CEBPZ: variants seen among roughly 807,000 people sequenced by gnomAD.
The protein encoded by CEBPZ is CCAAT/enhancer-binding protein zeta.
CEBPZ carries 78 observed loss-of-function variants against 104.5 expected under a neutral mutation model. The ratio of observed to expected loss-of-function variants is 0.75; its 90% CI spans 0.62 to 0.90. CEBPZ has a LOEUF of 0.90. Ranked by LOEUF, CEBPZ falls within the 40% of genes least tolerant of loss-of-function variation. The pLI is 0.00. For synonymous variants in CEBPZ, 470 were observed against 427.0 expected, an observed-to-expected ratio of 1.10 and a Z score of -1.24; for missense variants, 1,439 against 1,233.5, an observed-to-expected ratio of 1.17 and a Z score of -2.50.
Position 37,228,682 on chromosome 2 carries a change from C to CA in CEBPZ, c.510dup (p.Glu171Ter). ...GGCCTAAGTAACAAAGTCTGTCTCT[C>CA]AAAAAATTCAAAGATGTTCTGTTTA... is the stretch of plus-strand genomic sequence containing the variant. On this transcript the variant is annotated frameshift_variant, in exon 2 of 16. Coordinates refer to ENST00000234170, the MANE Select transcript of CEBPZ (RefSeq NM_005760.3). LOFTEE classifies it high-confidence loss of function. 3 of 1,614,108 alleles carry CA rather than the reference C, an allele frequency of 1.9e-6. No homozygotes were observed. The highest frequency in any genetic ancestry group is 2.5e-6 in the Non-Finnish European group (3 of 1,180,010).
Position 37,227,911 on chromosome 2 carries a change from G to A in CEBPZ, c.1282C>T (p.Leu428Phe), listed in dbSNP as rs1163397413. 6.2e-7 allele frequency: 1 copy of A among 1,614,182 alleles called. No homozygotes were observed. Among genetic ancestry groups the A allele is most frequent in the Non-Finnish European group, 8.5e-7 (1 of 1,180,028 alleles). The change falls in exon 2 of 16, where the codon CTC becomes TTC. Residue 428 changes from leucine (L) to phenylalanine (F), a missense_variant. Leu to Phe is a conservative substitution (Grantham distance 22). Coordinates refer to ENST00000234170, the MANE Select transcript of CEBPZ (RefSeq NM_005760.3). ...GVVSGEVERL[L>F]FRSNISSKAQ... ...TTGGAGCTGATATTTGAGCGGAAGAGTAGCCTTTCTACTTCACCAGACACA... is the reference window on the plus strand; with the variant it reads ...TTGGAGCTGATATTTGAGCGGAAGAATAGCCTTTCTACTTCACCAGACACA...
chr2:37,206,312 C>A (rs1677538375), intron 13 of CEBPZ, among the ~76,000 whole-genome samples: 1 of 152,248 alleles, frequency 6.6e-6, no homozygotes, highest in South Asian at 2.1e-4. Flanking sequence ...TTCACCACTA[C>A]CAAGCCAGCA....
intron 12 of CEBPZ, chr2:37,211,526 T>C (rs1677720130): frequency 3.6e-6 from 1 of 280,256 alleles, no homozygotes; most frequent in Non-Finnish European, 6.6e-6. Context: ...TGATGAATAC[T>C]GATTAACTTT....
At chr2:37,222,769 T>A (rs1572506806) in intron 3 of CEBPZ, among the ~76,000 whole-genome samples, 2 of 152,348 alleles carry the variant, frequency 1.3e-5, no homozygotes, top group Non-Finnish European at 2.9e-5. Flanking sequence ...AGTTAAGTTT[T>A]GAGCTAAGAA....
intron 12 of CEBPZ, 90 bp downstream of exon 12, chr2:37,211,753 G>T: frequency 1.1e-6 from 1 of 891,032 alleles, no homozygotes; most frequent in Non-Finnish European, 1.7e-6. Flanking sequence ...TGAATACAGG[G>T]CTATATTAAA....
chr2:37,220,926 G>T (rs1318347606), intron 4 of CEBPZ, among the ~76,000 whole-genome samples: 1 of 152,168 alleles, frequency 6.6e-6, no homozygotes, highest in African/African-American at 2.4e-5. Context: ...GAGCCCAGGA[G>T]ATGGGAGTTG....
In CEBPZ at chr2:37,231,426, G is replaced by C. The variant is rs144845215; in HGVS notation, c.142C>G (p.Leu48Val). 6.2e-7 allele frequency: 1 copy of C among 1,614,156 alleles called. No homozygotes were observed. The highest frequency in any genetic ancestry group is 1.3e-5 in the African/African-American group (1 of 75,046). ...NGFSLEEVLR[L>V]GGTKQDYLML... ...GCGGCCGTTACCTTGGTGCCTCCGA[G>C]CCGTAACACTTCCTCCAGGGAGAAC... The change falls in exon 1 of 16, where the codon CTC becomes GTC. Residue 48 changes from leucine (L) to valine (V), a missense_variant. Transcript: ENST00000234170.
intron 4 of CEBPZ, among the ~76,000 whole-genome samples, chr2:37,222,012 A>G (rs1664780951): frequency 6.6e-6 from 1 of 152,214 alleles, no homozygotes; most frequent in Admixed American, 6.5e-5. Context: ...GGCCAGGTAC[A>G]GTGGCTCACG....
At chr2:37,206,169 A>G (rs2148339313) in intron 13 of CEBPZ, among the ~76,000 whole-genome samples, 1 of 152,322 alleles carries the variant, frequency 6.6e-6, no homozygotes, top group Middle Eastern at 3.4e-3. Flanking sequence ...AAAATGGCGG[A>G]TAAGGGGACA....
chr2:37,208,458 G>A (rs1266416798), intron 13 of CEBPZ, among the ~76,000 whole-genome samples: 15 of 152,148 alleles, frequency 9.9e-5, no homozygotes, highest in Admixed American at 9.8e-4. Context: ...GATCAAGTGG[G>A]TTTCTTGCCA....
chr2:37,228,129 T>C lies in CEBPZ; in HGVS notation c.1064A>G (p.His355Arg). The stretch of plus-strand genomic sequence containing the variant: ...AGTTTTAGTGGTTACTAATGTATCA[T>C]GACTTAAAGTTTCTAAGACCTGCAC... ...EFVQVLETLSHDTLVTTKTRA... is the reference protein window; with the variant it reads ...EFVQVLETLSRDTLVTTKTRA... The change falls in exon 2 of 16, where the codon CAT (histidine) becomes CGT (arginine). Residue 355 changes from histidine to arginine, a missense_variant. By Grantham distance (29) the His-to-Arg change is conservative (BLOSUM62 0). Coordinates refer to ENST00000234170, the MANE Select transcript of CEBPZ (RefSeq NM_005760.3). 1 of 1,614,216 alleles carries C rather than the reference T, an allele frequency of 6.2e-7. No individual in the cohort carries two copies. Among genetic ancestry groups the C allele is most frequent in the Non-Finnish European group, 8.5e-7 (1 of 1,180,034 alleles).
chr2:37,202,717 C>CCTAT (rs1403552051), intron 15 of CEBPZ, 67 bp downstream of exon 15: 8 of 550,078 alleles, frequency 1.5e-5, no homozygotes, highest in Admixed American at 6.9e-5. Flanking sequence ...ACGAAAATTT[C>CCTAT]CTATCTTCTG....
At chr2:37,217,857 G>A (rs1170658910) in intron 5 of CEBPZ, among the ~76,000 whole-genome samples, 8 of 149,126 alleles carry the variant, frequency 5.4e-5, no homozygotes, top group East Asian at 2.0e-4. Flanking sequence ...AGCCGAGATC[G>A]CGCCACTGCA....
chr2:37,215,862 C>G (rs1677854064), intron 8 of CEBPZ, among the ~76,000 whole-genome samples: 2 of 150,260 alleles, frequency 1.3e-5, no homozygotes, highest in African/African-American at 4.9e-5. Context: ...ATGGTGACAA[C>G]TGTCAAAGCT....
chr2:37,220,316 A>C (rs1664740380), intron 5 of CEBPZ, 69 bp downstream of exon 5: 1 of 357,598 alleles, frequency 2.8e-6, no homozygotes. Context: ...ACTCTGTCTC[A>C]AAAAAAAAAA....
At position 37,202,802 on chromosome 2, in the gene CEBPZ, C is replaced by T. The variant is rs771823277; in HGVS notation, c.3007G>A (p.Ala1003Thr). ...TACTTACTTGCATTATCTTTGTTAG[C>T]CATGGCATTCATGCCAATGTTATCA... ...KFDNIGMNAM[A>T]NKDNASLKQL... Residue 1003 changes from alanine (A) to threonine (T), a missense_variant, in exon 15 of 16, where the codon GCT becomes ACT. By Grantham distance (58) the Ala-to-Thr change is moderately conservative (BLOSUM62 0). Coordinates refer to ENST00000234170, the MANE Select transcript of CEBPZ (RefSeq NM_005760.3). 6 of 1,586,144 alleles carry T rather than the reference C, an allele frequency of 3.8e-6. No homozygotes were observed. The highest frequency in any genetic ancestry group is 2.6e-6 in the Non-Finnish European group (3 of 1,166,622).
chr2:37,212,433 A>T (rs765771021), intron 10 of CEBPZ, 41 bp from the exon 11 acceptor site: 7 of 1,494,494 alleles, frequency 4.7e-6, no homozygotes, highest in South Asian at 4.6e-5. Context: ...ACAAAGAATG[A>T]CAAGCTTGAC....
chr2:37,227,820 G>C lies in CEBPZ; in HGVS notation c.1373C>G (p.Ala458Gly). ...AAAGTAAACAGTTATTAATTTGTTAGCCAATTCACTTTCTTCATGGGACAG... is the reference window on the plus strand; with the variant it reads ...AAAGTAAACAGTTATTAATTTGTTACCCAATTCACTTTCTTCATGGGACAG... ...MALSHEESEL[A>G]NKLITVYFCF... The change falls in exon 2 of 16, where the codon GCT becomes GGT. Residue 458 changes from alanine to glycine, a missense_variant. Transcript: ENST00000234170. 1 of 1,614,048 alleles carries C rather than the reference G, an allele frequency of 6.2e-7. No individual in the cohort carries two copies. The highest frequency in any genetic ancestry group is 1.1e-5 in the South Asian group (1 of 91,072).
intron 1 of CEBPZ, among the ~76,000 whole-genome samples, chr2:37,230,155 TA>T (rs1665015434): frequency 1.3e-5 from 2 of 152,192 alleles, no homozygotes; most frequent in African/African-American, 4.8e-5. Context: ...CAAAATGATT[TA>T]TGCAGCCATA....
Sources: gnomAD v4.1 joint callset for allele counts (sites outside exome capture counted in the v4.1 genomes callset) on GRCh38, gnomAD v4.1.1 for gene constraint, MANE v1.5 for transcripts, NCBI Gene and HGNC (gene_info 2026-07-23, HGNC 2026-07-21) for gene names.